NKAIN2: variants seen among roughly 807,000 people sequenced by gnomAD.
The protein encoded by NKAIN2 is sodium/potassium transporting ATPase interacting 2, also known as sodium/potassium-transporting ATPase subunit beta-1-interacting protein 2.
Under a neutral mutation model 32.6 loss-of-function variants are expected in NKAIN2, and 14 were observed. That is an observed-to-expected ratio of 0.43 (90% CI 0.28 to 0.67). The LOEUF is 0.67. NKAIN2 is among the 30% of genes least tolerant of loss of function. The pLI is 0.17. For synonymous variants in NKAIN2, 80 were observed against 87.2 expected (o/e 0.92, Z 0.46); for missense variants, 198 against 258.3 (o/e 0.77, Z 1.60).
intron 4 of NKAIN2, among the ~76,000 whole-genome samples, chr6:124,740,186 T>C (rs1013928426): frequency 6.6e-6 from 1 of 151,738 alleles, no homozygotes; most frequent in Non-Finnish European, 1.5e-5. Context: ...GATTTAAGTA[T>C]GGTATTAACT....
chr6:124,155,317 G>A (rs1176208341), intron 1 of NKAIN2, among the ~76,000 whole-genome samples: 1 of 152,020 alleles, frequency 6.6e-6, no homozygotes, highest in Non-Finnish European at 1.5e-5. Context: ...GATACTGAAT[G>A]TTCCCAACAC....
chr6:124,021,794 C>T (rs1780878341), intron 1 of NKAIN2, among the ~76,000 whole-genome samples: 1 of 151,972 alleles, frequency 6.6e-6, no homozygotes, highest in Non-Finnish European at 1.5e-5. Flanking sequence ...TATCCTCTCC[C>T]CTGATTGTAC....
At chr6:124,760,204 A>T (rs1476520542) in intron 4 of NKAIN2, among the ~76,000 whole-genome samples, 1 of 152,078 alleles carries the variant, frequency 6.6e-6, no homozygotes, top group Non-Finnish European at 1.5e-5. Flanking sequence ...AAATGATGAG[A>T]ACTCATGGAT....
At chr6:124,064,090 A>G (rs1405234255) in intron 1 of NKAIN2, among the ~76,000 whole-genome samples, 1 of 151,858 alleles carries the variant, frequency 6.6e-6, no homozygotes, top group Non-Finnish European at 1.5e-5. Context: ...AGCTGGGACT[A>G]CAGGTGCCTG....
At chr6:124,137,615 T>A (rs930321214) in intron 1 of NKAIN2, among the ~76,000 whole-genome samples, 3 of 152,038 alleles carry the variant, frequency 2.0e-5, no homozygotes, top group Admixed American at 1.3e-4. Context: ...TCTTGCTATA[T>A]TACCAGACTA....
At chr6:124,175,535 G>GA (rs1446354122) in intron 1 of NKAIN2, among the ~76,000 whole-genome samples, 2 of 152,256 alleles carry the variant, frequency 1.3e-5, no homozygotes, top group East Asian at 3.9e-4. Context: ...TACCTAATGG[G>GA]AAAATGAAAA....
At chr6:124,627,204 A>G (rs1783387337) in intron 3 of NKAIN2, among the ~76,000 whole-genome samples, 1 of 152,090 alleles carries the variant, frequency 6.6e-6, no homozygotes, top group African/African-American at 2.4e-5. Flanking sequence ...TGGGAGGCGG[A>G]GGTTGCAGTG....
chr6:124,476,898 T>C (rs899363594), intron 3 of NKAIN2, among the ~76,000 whole-genome samples: 5 of 152,166 alleles, frequency 3.3e-5, no homozygotes, highest in Non-Finnish European at 7.3e-5. Context: ...AGCTTCTGTT[T>C]ACAACAATTA....
intron 3 of NKAIN2, among the ~76,000 whole-genome samples, chr6:124,405,274 C>A (rs1773800101): frequency 6.6e-6 from 1 of 152,024 alleles, no homozygotes; most frequent in African/African-American, 2.4e-5. Context: ...CTCAATAATA[C>A]TTAGATTCTT....
At chr6:123,997,850 G>T (rs190197927) in intron 1 of NKAIN2, among the ~76,000 whole-genome samples, 2 of 151,912 alleles carry the variant, frequency 1.3e-5, no homozygotes, top group South Asian at 2.1e-4. Flanking sequence ...TGATCCTCCC[G>T]CCTCGGCCTC....
intron 3 of NKAIN2, among the ~76,000 whole-genome samples, chr6:124,590,362 T>A (rs1227494913): frequency 6.6e-6 from 1 of 152,148 alleles, no homozygotes; most frequent in African/African-American, 2.4e-5. Context: ...ATGCATCCTA[T>A]ATAGACTACT....
chr6:124,139,079 A>AATTTTTTTTT (rs1457805240), intron 1 of NKAIN2, among the ~76,000 whole-genome samples: 1 of 99,470 alleles, frequency 1.0e-5, no homozygotes, highest in Non-Finnish European at 1.8e-5. Context: ...TTAAATAAAA[A>AATTTTTTTTT]TTTTTTTTTT....
intron 4 of NKAIN2, among the ~76,000 whole-genome samples, chr6:124,760,276 G>A (rs1397618325): frequency 6.6e-6 from 1 of 151,700 alleles, no homozygotes; most frequent in East Asian, 2.0e-4. Context: ...AGGAGGGAGA[G>A]CAGCAGAAAA....
At chr6:124,159,658 G>C (rs577787014) in intron 1 of NKAIN2, among the ~76,000 whole-genome samples, 1 of 152,060 alleles carries the variant, frequency 6.6e-6, no homozygotes, top group African/African-American at 2.4e-5. Context: ...AATTATATCC[G>C]AGTGCAATAG....
intron 1 of NKAIN2, among the ~76,000 whole-genome samples, chr6:124,063,958 T>A (rs2114862292): frequency 6.6e-6 from 1 of 152,024 alleles, no homozygotes; most frequent in African/African-American, 2.4e-5. Context: ...CATATAATTT[T>A]TTTTTTTTTT....
chr6:124,362,962 G>A (rs1014936293), intron 3 of NKAIN2, among the ~76,000 whole-genome samples: 10 of 152,124 alleles, frequency 6.6e-5, no homozygotes, highest in Non-Finnish European at 1.2e-4. Flanking sequence ...AGCCTCCCGA[G>A]TAGCTGGGTT....
chr6:123,942,598 A>G (rs73773020), intron 1 of NKAIN2, among the ~76,000 whole-genome samples: 1,573 of 152,058 alleles, frequency 0.01, 23 homozygotes, highest in African/African-American at 0.036. Context: ...ATTTACCTTC[A>G]TTTAGACTAT....
chr6:124,211,273 A>G (rs1249359192), intron 1 of NKAIN2, among the ~76,000 whole-genome samples: 1 of 151,896 alleles, frequency 6.6e-6, no homozygotes, highest in Non-Finnish European at 1.5e-5. Context: ...AAAAAAGACT[A>G]ATATCCTCCC....
At chr6:124,014,074 A>G (rs886454870) in intron 1 of NKAIN2, among the ~76,000 whole-genome samples, 1 of 152,192 alleles carries the variant, frequency 6.6e-6, no homozygotes, top group Non-Finnish European at 1.5e-5. Flanking sequence ...ACAGGAAACT[A>G]ATGTATAATA....
Sources: gnomAD v4.1 joint callset for allele counts (sites outside exome capture counted in the v4.1 genomes callset) on GRCh38, gnomAD v4.1.1 for gene constraint, MANE v1.5 for transcripts, NCBI Gene and HGNC (gene_info 2026-07-23, HGNC 2026-07-21) for gene names.